RAB11FIP4: variants seen among roughly 807,000 people sequenced by gnomAD.
RAB11FIP4 encodes RAB11 family interacting protein 4, also known as rab11 family-interacting protein 4.
In RAB11FIP4, 23 loss-of-function variants were observed where a neutral mutation model predicts 74.3. The ratio of observed to expected loss-of-function variants is 0.31; its 90% CI spans 0.22 to 0.44. The LOEUF is 0.44. RAB11FIP4 is among the 20% of genes least tolerant of loss of function. The pLI, the probability that RAB11FIP4 is intolerant of heterozygous loss-of-function variation, is 1.00. For synonymous variants in RAB11FIP4, 360 were observed against 359.9 expected (o/e 1.00, Z 0.00); for missense variants, 630 against 863.9 (o/e 0.73, Z 3.39).
chr17:31,528,212 T>C (rs1237743078), intron 11 of RAB11FIP4, among the ~76,000 whole-genome samples, 194 bp from the exon 12 acceptor site: 1 of 152,166 alleles, frequency 6.6e-6, no homozygotes, highest in Non-Finnish European at 1.5e-5. Flanking sequence ...GGCCTGAGGT[T>C]TTTAGTTGTA....
At chr17:31,476,031 G>A (rs1014428753) in intron 3 of RAB11FIP4, among the ~76,000 whole-genome samples, 3 of 151,982 alleles carry the variant, frequency 2.0e-5, no homozygotes, top group South Asian at 2.1e-4. Context: ...TGCATTGATC[G>A]TTTGATGAAA....
intron 1 of RAB11FIP4, among the ~76,000 whole-genome samples, chr17:31,414,009 G>A (rs1332904613): frequency 6.6e-6 from 1 of 152,234 alleles, no homozygotes; most frequent in Non-Finnish European, 1.5e-5. Context: ...CTCTGCCTAT[G>A]AAAGCCTCAT....
chr17:31,408,400 C>T (rs2044540059), intron 1 of RAB11FIP4, among the ~76,000 whole-genome samples: 2 of 152,150 alleles, frequency 1.3e-5, no homozygotes, highest in African/African-American at 4.8e-5. Flanking sequence ...AGGTGTTTTA[C>T]AATTGGACTA....
intron 10 of RAB11FIP4, 158 bp from the exon 11 acceptor site, chr17:31,527,684 G>A (rs2072790839): frequency 3.5e-6 from 2 of 571,662 alleles, no homozygotes; most frequent in Non-Finnish European, 6.2e-6. Flanking sequence ...GGAAGCTCAC[G>A]GCTAAATTGT....
intron 10 of RAB11FIP4, 29 bp downstream of exon 10, chr17:31,525,259 C>A: frequency 6.5e-7 from 1 of 1,528,612 alleles, no homozygotes; most frequent in Non-Finnish European, 8.8e-7. Flanking sequence ...CCCCCTCCCT[C>A]AGAGGGACCC....
chr17:31,528,002 A>C, intron 11 of RAB11FIP4, 79 bp downstream of exon 11: 1 of 1,092,962 alleles, frequency 9.1e-7, no homozygotes. Flanking sequence ...AATTCTAAAC[A>C]AATGCCGCAC....
At chr17:31,400,022 G>A (rs578015824) in intron 1 of RAB11FIP4, among the ~76,000 whole-genome samples, 8 of 150,158 alleles carry the variant, frequency 5.3e-5, no homozygotes, top group East Asian at 3.9e-4. Flanking sequence ...CAGCCTAGGC[G>A]ACAGAGTGAG....
intron 3 of RAB11FIP4, among the ~76,000 whole-genome samples, chr17:31,445,560 A>T (rs1567658253): frequency 1.4e-4 from 2 of 14,468 alleles, no homozygotes; most frequent in Admixed American, 8.5e-4. Flanking sequence ...ATATATATAT[A>T]TATATATATA....
At position 31,532,890 on chromosome 17, in the gene RAB11FIP4, C is replaced by A. The variant is rs1251966281; in HGVS notation, c.*1158C>A. 1 of 152,162 alleles carries A rather than the reference C, an allele frequency of 6.6e-6. No individual in the cohort carries two copies. Among genetic ancestry groups the A allele is most frequent in the Non-Finnish European group, 1.5e-5 (1 of 68,030 alleles). 9.4% of individuals were successfully genotyped at this position (152,162 alleles called of 1,614,324 possible). ...AACCTTAGTCTTCCATCCTTCTGACCCATGGTGGAAATTCACACCATGGAT... is the reference window on the plus strand; with the variant it reads ...AACCTTAGTCTTCCATCCTTCTGACACATGGTGGAAATTCACACCATGGAT... On this transcript the variant is annotated 3_prime_UTR_variant, in exon 15 of 15. Coordinates refer to ENST00000621161, the MANE Select transcript of RAB11FIP4 (RefSeq NM_032932.6).
chr17:31,410,095 T>C (rs1233307828), intron 1 of RAB11FIP4, among the ~76,000 whole-genome samples: 1 of 152,194 alleles, frequency 6.6e-6, no homozygotes, highest in Non-Finnish European at 1.5e-5. Flanking sequence ...GTTCTCATGA[T>C]GCTAATGAAA....
At chr17:31,468,196 T>C (rs1235704338) in intron 3 of RAB11FIP4, among the ~76,000 whole-genome samples, 3 of 152,162 alleles carry the variant, frequency 2.0e-5, no homozygotes, top group Non-Finnish European at 4.4e-5. Context: ...GGCTGTGAAC[T>C]TGGGACTCTT....
chr17:31,511,562 G>A (rs554078974), intron 3 of RAB11FIP4, among the ~76,000 whole-genome samples: 92 of 152,310 alleles, frequency 6.0e-4, no homozygotes, highest in African/African-American at 2.2e-3. Flanking sequence ...AATCCCCATA[G>A]CTACCCACTT....
At chr17:31,443,676 G>A (rs1026554206) in intron 3 of RAB11FIP4, among the ~76,000 whole-genome samples, 1 of 152,186 alleles carries the variant, frequency 6.6e-6, no homozygotes, top group East Asian at 1.9e-4. Context: ...TTGAGAGGCC[G>A]AGGTGGGCAG....
Position 31,530,464 on chromosome 17 carries a change from G to A in RAB11FIP4, c.1792G>A (p.Asp598Asn), listed in dbSNP as rs770552148. The A allele has an allele frequency of 1.9e-6, 3 of 1,613,196 alleles. No homozygotes were observed. The highest frequency in any genetic ancestry group is 1.7e-5 in the Admixed American group (1 of 60,000). ...LAAEIDTASR[D>N]ELMEALKEQE... Reference sequence around the variant, plus strand: ...TGCGGAGATAGACACCGCCTCGCGCGATGAGGTAACCACACCACCGGCTCT... The same window carrying A: ...TGCGGAGATAGACACCGCCTCGCGCAATGAGGTAACCACACCACCGGCTCT... Residue 598 changes from aspartate (D) to asparagine (N), a missense_variant, in exon 14 of 15, where the codon GAT becomes AAT. Transcript: ENST00000621161.
chr17:31,477,799 G>A (rs1214559466), intron 3 of RAB11FIP4, among the ~76,000 whole-genome samples: 2 of 152,072 alleles, frequency 1.3e-5, no homozygotes, highest in Non-Finnish European at 2.9e-5. Flanking sequence ...CAGGCTGCCT[G>A]GGTTTGACTC....
intron 13 of RAB11FIP4, 121 bp downstream of exon 13, chr17:31,528,899 C>T: frequency 2.6e-6 from 3 of 1,156,926 alleles, no homozygotes; most frequent in Non-Finnish European, 3.6e-6. Flanking sequence ...GTCTGCTTCT[C>T]AGCAACCTGT....
chr17:31,530,496 G>C, intron 14 of RAB11FIP4, 27 bp downstream of exon 14: 1 of 1,603,154 alleles, frequency 6.2e-7, no homozygotes. Flanking sequence ...CTCTTGCTTT[G>C]GGGCCTGGCC....
intron 3 of RAB11FIP4, among the ~76,000 whole-genome samples, chr17:31,463,296 C>T (rs2071650272): frequency 6.6e-6 from 1 of 152,176 alleles, no homozygotes; most frequent in Admixed American, 6.5e-5. Flanking sequence ...CCTCATCTTC[C>T]CTACCTGTAA....
At chr17:31,437,798 C>T (rs1002962984) in intron 3 of RAB11FIP4, among the ~76,000 whole-genome samples, 1 of 152,108 alleles carries the variant, frequency 6.6e-6, no homozygotes, top group Non-Finnish European at 1.5e-5. Flanking sequence ...CCCTCCCAGG[C>T]CCCGAGAAGC....
Sources: gnomAD v4.1 joint callset for allele counts (sites outside exome capture counted in the v4.1 genomes callset) on GRCh38, gnomAD v4.1.1 for gene constraint, MANE v1.5 for transcripts, NCBI Gene and HGNC (gene_info 2026-07-23, HGNC 2026-07-21) for gene names.